Variants in SEPTIN9 observed in about 807,000 individuals in gnomAD.
SEPTIN9 encodes septin-9.
In SEPTIN9, 13 loss-of-function variants were observed where a neutral mutation model predicts 56.6. The ratio of observed to expected loss-of-function variants is 0.23; its 90% CI spans 0.15 to 0.37. The LOEUF (loss-of-function observed/expected upper bound fraction) is 0.37. Among genes scored for constraint, SEPTIN9 ranks in the 10% least tolerant of loss-of-function variants. The pLI, the probability that SEPTIN9 is intolerant of heterozygous loss-of-function variation, is 1.00. For missense variants in SEPTIN9, 650 were observed against 823.1 expected (o/e 0.79, Z 2.57); for synonymous variants, 332 against 334.1 (o/e 0.99, Z 0.07).
intron 1 of SEPTIN9, among the ~76,000 whole-genome samples, chr17:77,300,924 A>G (rs1462865704): frequency 4.0e-4 from 28 of 70,132 alleles, no homozygotes; most frequent in African/African-American, 1.6e-3. Flanking sequence ...GGCTCAAACC[A>G]CCCTCAACCC....
At chr17:77,290,763 C>T (rs534625171) in intron 1 of SEPTIN9, among the ~76,000 whole-genome samples, 13 of 150,078 alleles carry the variant, frequency 8.7e-5, no homozygotes, top group South Asian at 2.2e-4. Context: ...TGCAGTGAGC[C>T]GAGATTGCGC....
At chr17:77,314,491 T>C (rs556722779) in intron 2 of SEPTIN9, among the ~76,000 whole-genome samples, 27 of 151,942 alleles carry the variant, frequency 1.8e-4, no homozygotes, top group Admixed American at 3.9e-4. Context: ...GCAGGAAAAG[T>C]CACTTTTTAA....
chr17:77,308,918 G>C (rs573710587), intron 2 of SEPTIN9, among the ~76,000 whole-genome samples: 23 of 152,362 alleles, frequency 1.5e-4, no homozygotes, highest in Non-Finnish European at 2.6e-4. Flanking sequence ...TGGGAAGAGG[G>C]GGGTGATGCT....
In SEPTIN9 at chr17:77,499,570, G is replaced by C. The variant is rs547216260; in HGVS notation, c.*912G>C. 6.7e-6 allele frequency: 3 copies of C among 450,820 alleles called. No homozygotes were observed. Among genetic ancestry groups the C allele is most frequent in the Non-Finnish European group, 8.5e-6 (2 of 235,646 alleles). The allele number at this position is 450,820 out of a possible 1,614,324, so 27.9% of individuals were successfully genotyped here. On this transcript the variant is annotated 3_prime_UTR_variant, in exon 12 of 12. Coordinates refer to ENST00000427177, the MANE Select transcript of SEPTIN9 (RefSeq NM_001113491.2). ...CCAGAAGGAAGGTTGGCGGGGGCAC[G>C]TGTGGGCCGTGGCTTGGGCTGGTCA...
At chr17:77,470,734 C>T (rs1389000016) in intron 3 of SEPTIN9, 1 of 152,286 alleles carries the variant, frequency 6.6e-6, no homozygotes, top group Non-Finnish European at 1.5e-5. Context: ...ATCCAACCAT[C>T]CATCCCCATC....
intron 1 of SEPTIN9, among the ~76,000 whole-genome samples, chr17:77,291,858 A>G (rs2031572168): frequency 6.6e-6 from 1 of 152,208 alleles, no homozygotes; most frequent in South Asian, 2.1e-4. Context: ...GCGCATGATG[A>G]GTCCCTTTTC....
chr17:77,466,226 C>G (rs970352582), intron 3 of SEPTIN9, among the ~76,000 whole-genome samples: 5 of 152,246 alleles, frequency 3.3e-5, no homozygotes, highest in African/African-American at 1.2e-4. Context: ...AGCCGGTAGG[C>G]AGTTTGCACT....
At chr17:77,430,353 T>C (rs2037080398) in intron 3 of SEPTIN9, among the ~76,000 whole-genome samples, 1 of 152,056 alleles carries the variant, frequency 6.6e-6, no homozygotes. Flanking sequence ...AGCGGCTCCC[T>C]CCCTCCTAAC....
In SEPTIN9 at chr17:77,475,150, C is replaced by T. The variant is rs765334256; in HGVS notation, c.722-6994C>T. The T allele has an allele frequency of 4.2e-4, 430 of 1,013,406 alleles. No homozygotes were observed. The highest frequency in any genetic ancestry group is 6.7e-4 in the Admixed American group (15 of 22,354). 62.8% of individuals were successfully genotyped at this position (1,013,406 alleles called of 1,614,324 possible). On this transcript the variant is annotated intron_variant, in intron 3 of 11. Transcript: ENST00000427177. This position sits in a 1 kb window ranked among gnomAD's most constrained non-coding sequence, Gnocchi z 4.6. ...AGCCCTACGCTGCTCTGAAGAAAGCCGGGCTGGGGTGAGCGTGATGGATGA... is the reference window on the plus strand; with the variant it reads ...AGCCCTACGCTGCTCTGAAGAAAGCTGGGCTGGGGTGAGCGTGATGGATGA...
chr17:77,360,913 TC>T (rs2034395438), intron 2 of SEPTIN9, among the ~76,000 whole-genome samples: 1 of 130,586 alleles, frequency 7.7e-6, no homozygotes, highest in Non-Finnish European at 1.6e-5. Context: ...TTGTCTTTCA[TC>T]CTTTTTTTTT....
intron 2 of SEPTIN9, among the ~76,000 whole-genome samples, chr17:77,321,005 C>T (rs1437075918): frequency 6.6e-6 from 1 of 152,246 alleles, no homozygotes; most frequent in African/African-American, 2.4e-5. Context: ...TTTAGTTCAC[C>T]CCAGCTTTCC....
At chr17:77,493,765 C>CTTTTTTTT (rs35829686) in intron 10 of SEPTIN9, among the ~76,000 whole-genome samples, 7 of 111,444 alleles carry the variant, frequency 6.3e-5, no homozygotes, top group Non-Finnish European at 8.8e-5. Context: ...CCTCCTCTTC[C>CTTTTTTTT]TTTTTTTTTT....
rs2032859917 is a variant in SEPTIN9, at chr17:77,320,253, CG to C, written c.76+13061del. 8 of 1,611,046 alleles carry C rather than the reference CG, an allele frequency of 5.0e-6. No individual in the cohort carries two copies. The Admixed American group carries it at 6.7e-5, about 13-fold the overall frequency. ...GAGGAGGCTGAGAGAGGGAGGGCGACGGGGGTGAGAAAGGGGAGGCCGCCTC... is the reference window on the plus strand; with the variant it reads ...GAGGAGGCTGAGAGAGGGAGGGCGACGGGGTGAGAAAGGGGAGGCCGCCTC... On this transcript the variant is annotated intron_variant, in intron 2 of 11. Coordinates refer to ENST00000427177, the MANE Select transcript of SEPTIN9 (RefSeq NM_001113491.2).
Position 77,379,205 on chromosome 17 carries a change from C to T in SEPTIN9, c.77-22854C>T, listed in dbSNP as rs408941. Among the ~76,000 whole-genome samples, 676 of 152,158 alleles carry T rather than the reference C, an allele frequency of 4.4e-3. 7 individuals are homozygous for T. Among genetic ancestry groups the T allele is most frequent in the African/African-American group, 0.015 (638 of 41,514 alleles). ...CTTGCCCAGCCCGTGGACCCATCCA[C>T]TGAGCACCCCCATACCCCTACACTG... On this transcript the variant is annotated intron_variant, in intron 2 of 11. Transcript: ENST00000427177.
rs1248891123 is a variant in SEPTIN9 at position 77,389,067 on chromosome 17, C to T, written c.77-12992C>T. On this transcript the variant is annotated intron_variant, in intron 2 of 11. Transcript: ENST00000427177. The surrounding 1 kb of genome is among the most constrained non-coding windows in gnomAD (Gnocchi z 4.3). ...AGAACAGACACTGACCAACACGCTC[C>T]TCAGGGTCTCCAGGTCCGGGTCCTG... is the stretch of plus-strand genomic sequence containing the variant. Among the ~76,000 whole-genome samples the T allele has an allele frequency of 6.6e-6, 1 of 152,132 alleles. No homozygotes were observed. Among genetic ancestry groups the T allele is most frequent in the Non-Finnish European group, 1.5e-5 (1 of 68,020 alleles).
chr17:77,429,092 C>T lies in SEPTIN9; in HGVS notation c.721+26389C>T, dbSNP rs2037026083. The T allele has an allele frequency of 2.1e-6, 1 of 471,522 alleles. No individual in the cohort carries two copies. The highest frequency in any genetic ancestry group is 2.0e-5 in the African/African-American group (1 of 50,074). 29.2% of individuals were successfully genotyped at this position (471,522 alleles called of 1,614,324 possible). A position where few individuals can be genotyped will look rare whatever the true frequency, so the allele number is the denominator to read the frequency against. On this transcript the variant is annotated intron_variant, in intron 3 of 11. Coordinates refer to ENST00000427177, the MANE Select transcript of SEPTIN9 (RefSeq NM_001113491.2). The surrounding 1 kb of genome is among the most constrained non-coding windows in gnomAD (Gnocchi z 5.2). The stretch of plus-strand genomic sequence containing the variant: ...TACCTGTTCTTGGCTATTTGTGCCC[C>T]AGCTCCGTGTCCTCCGGTGTGTGTG...
rs1239168586 is a variant in SEPTIN9, at chr17:77,390,088, C to G, written c.77-11971C>G. On this transcript the variant is annotated intron_variant, in intron 2 of 11. Coordinates refer to ENST00000427177, the MANE Select transcript of SEPTIN9 (RefSeq NM_001113491.2). ...TGTTGCCCTCTTGGAGGCTGGGCTG[C>G]CTTTCAAGAAGAGGACCCAAGGCCC... is the stretch of plus-strand genomic sequence containing the variant. 1.3e-5 allele frequency among the ~76,000 whole-genome samples: 2 copies of G among 152,050 alleles called. 1 individual carries two copies. The highest frequency in any genetic ancestry group is 1.3e-4 in the Admixed American group (2 of 15,266).
At chr17:77,306,839 A>G (rs2032285246) in intron 1 of SEPTIN9, among the ~76,000 whole-genome samples, 1 of 152,202 alleles carries the variant, frequency 6.6e-6, no homozygotes, top group Non-Finnish European at 1.5e-5. Flanking sequence ...GGCCACAGGG[A>G]AGTGACACTC....
chr17:77,414,568 G>A (rs966484328), intron 3 of SEPTIN9, among the ~76,000 whole-genome samples: 2 of 136,306 alleles, frequency 1.5e-5, no homozygotes, highest in African/African-American at 5.7e-5. Context: ...TATCTGTGTG[G>A]ATTCTTTTTT....
Sources: gnomAD v4.1 joint callset for allele counts (sites outside exome capture counted in the v4.1 genomes callset) on GRCh38, gnomAD v4.1.1 for gene constraint, Gnocchi (gnomAD v3.1) non-coding constraint, MANE v1.5 for transcripts, NCBI Gene and HGNC (gene_info 2026-07-23, HGNC 2026-07-21) for gene names.